Variants in LUZP2 observed in about 807,000 individuals in gnomAD.
LUZP2 encodes leucine zipper protein 2.
LUZP2 carries 52 observed loss-of-function variants against 51.6 expected under a neutral mutation model. That is an observed-to-expected ratio of 1.01 (90% confidence interval 0.81 to 1.27). The LOEUF is 1.27. Ranked by LOEUF, LUZP2 falls within the 50% of genes most tolerant of loss-of-function variation. The pLI, the probability that LUZP2 is intolerant of heterozygous loss-of-function variation, is 0.00. For synonymous variants in LUZP2, 154 were observed against 137.3 expected, an observed-to-expected ratio of 1.12 and a Z score of -0.85; for missense variants, 436 against 395.4, an observed-to-expected ratio of 1.10 and a Z score of -0.87.
intron 9 of LUZP2, among the ~76,000 whole-genome samples, chr11:25,037,343 G>T (rs1857897924): frequency 6.6e-6 from 1 of 152,122 alleles, no homozygotes; most frequent in South Asian, 2.1e-4. Context: ...GAGCTTGTGA[G>T]TGTTGTTACA....
intron 5 of LUZP2, among the ~76,000 whole-genome samples, chr11:24,764,005 T>TA (rs1860086126): frequency 6.6e-6 from 1 of 152,206 alleles, no homozygotes; most frequent in African/African-American, 2.4e-5. Flanking sequence ...AATATCAACA[T>TA]ACCAGAGTAA....
chr11:24,893,772 GCACACACACA>G (rs34127798), intron 5 of LUZP2, among the ~76,000 whole-genome samples: 44 of 149,534 alleles, frequency 2.9e-4, no homozygotes, highest in East Asian at 5.9e-4. Flanking sequence ...AAATACACAC[GCACACACACA>G]CACACACACA....
At chr11:24,866,113 TACAC>T (rs60308723) in intron 5 of LUZP2, among the ~76,000 whole-genome samples, 3,581 of 146,738 alleles carry the variant, frequency 0.024, 101 homozygotes, top group African/African-American at 0.066. Context: ...CTGCATTTCA[TACAC>T]ACACACACAC....
chr11:24,658,804 A>G (rs1855910311), intron 1 of LUZP2, among the ~76,000 whole-genome samples: 1 of 152,220 alleles, frequency 6.6e-6, no homozygotes, highest in Non-Finnish European at 1.5e-5. Flanking sequence ...TATGCAGCAA[A>G]CAGACACATG....
intron 1 of LUZP2, among the ~76,000 whole-genome samples, chr11:24,551,818 C>T (rs1411363439): frequency 1.3e-5 from 2 of 151,888 alleles, no homozygotes; most frequent in Non-Finnish European, 2.9e-5. Flanking sequence ...ACATGCAATA[C>T]TAGAATTAGC....
At chr11:24,645,258 T>C (rs1267008097) in intron 1 of LUZP2, among the ~76,000 whole-genome samples, 1 of 152,126 alleles carries the variant, frequency 6.6e-6, no homozygotes, top group African/African-American at 2.4e-5. Context: ...TCCCTTTCCA[T>C]TGAAGACAAA....
At chr11:25,059,037 A>G (rs976558204) in intron 10 of LUZP2, among the ~76,000 whole-genome samples, 2 of 152,174 alleles carry the variant, frequency 1.3e-5, no homozygotes, top group Admixed American at 1.3e-4. Flanking sequence ...TTTAGCCTAT[A>G]GCTTGTCCCA....
chr11:24,612,208 G>T (rs138264688), intron 1 of LUZP2, among the ~76,000 whole-genome samples: 66 of 152,266 alleles, frequency 4.3e-4, no homozygotes, highest in Non-Finnish European at 7.6e-4. Flanking sequence ...AGGAATTAAT[G>T]TGGATTACAT....
chr11:24,975,038 G>C (rs1855848135), intron 7 of LUZP2, among the ~76,000 whole-genome samples: 1 of 151,930 alleles, frequency 6.6e-6, no homozygotes, highest in South Asian at 2.1e-4. Context: ...TTGACTGTAA[G>C]CTGGGTTTAT....
intron 1 of LUZP2, among the ~76,000 whole-genome samples, chr11:24,515,162 A>T (rs901085028): frequency 6.6e-6 from 1 of 152,202 alleles, no homozygotes; most frequent in African/African-American, 2.4e-5. Flanking sequence ...TGTAGGAGTT[A>T]CACAATCATC....
At chr11:24,653,068 A>G (rs1855680178) in intron 1 of LUZP2, among the ~76,000 whole-genome samples, 3 of 152,164 alleles carry the variant, frequency 2.0e-5, no homozygotes, top group African/African-American at 7.2e-5. Context: ...GGCCTTAGTG[A>G]CAAATAAGGA....
intron 1 of LUZP2, among the ~76,000 whole-genome samples, chr11:24,642,945 T>C (rs986379661): frequency 5.3e-5 from 8 of 152,054 alleles, no homozygotes; most frequent in South Asian, 2.1e-4. Flanking sequence ...ATTGTTGCCC[T>C]GGAAGATAAG....
At chr11:24,522,488 G>A (rs1255965190) in intron 1 of LUZP2, among the ~76,000 whole-genome samples, 1 of 152,070 alleles carries the variant, frequency 6.6e-6, no homozygotes, top group Non-Finnish European at 1.5e-5. Flanking sequence ...ACCAATAGAG[G>A]CTTCTCAGTT....
At chr11:24,975,675 C>G (rs532608121) in intron 7 of LUZP2, among the ~76,000 whole-genome samples, 1 of 152,158 alleles carries the variant, frequency 6.6e-6, no homozygotes, top group Non-Finnish European at 1.5e-5. Flanking sequence ...ATTGCCATCT[C>G]TAGTTTAGAA....
chr11:24,812,530 CCT>C (rs1176995729), intron 5 of LUZP2, among the ~76,000 whole-genome samples: 7 of 152,138 alleles, frequency 4.6e-5, no homozygotes, highest in African/African-American at 1.7e-4. Context: ...AGCCACTTAA[CCT>C]CTCTTTGCCC....
intron 9 of LUZP2, among the ~76,000 whole-genome samples, chr11:24,986,573 T>C (rs544331230): frequency 2.1e-4 from 27 of 125,856 alleles, no homozygotes; most frequent in Middle Eastern, 4.5e-3. Flanking sequence ...GTGTGTAACA[T>C]TTAAGATAGG....
intron 1 of LUZP2, among the ~76,000 whole-genome samples, chr11:24,535,617 A>C: frequency 6.6e-6 from 1 of 151,618 alleles, no homozygotes. Flanking sequence ...TTGCATCTTT[A>C]GATTCCACTT....
chr11:24,661,680 A>G (rs1330628733), intron 1 of LUZP2, among the ~76,000 whole-genome samples: 1 of 152,206 alleles, frequency 6.6e-6, no homozygotes, highest in Non-Finnish European at 1.5e-5. Context: ...GGCTGATGAA[A>G]TATAGGTTCA....
At chr11:24,707,506 G>A (rs1265346189) in intron 1 of LUZP2, among the ~76,000 whole-genome samples, 2 of 152,088 alleles carry the variant, frequency 1.3e-5, no homozygotes, top group East Asian at 1.9e-4. Flanking sequence ...TAGATATGAT[G>A]AGAATTGGCT....
Sources: allele counts gnomAD v4.1 joint callset (sites outside exome capture counted in the v4.1 genomes callset), GRCh38; gene constraint gnomAD v4.1.1; transcripts MANE v1.5; gene names NCBI Gene and HGNC (gene_info 2026-07-23, HGNC 2026-07-21).